CHODL: variants seen among roughly 807,000 people sequenced by gnomAD.
CHODL encodes the protein transmembrane protein MT75.
A neutral mutation model predicts 34.5 loss-of-function variants in CHODL; 29 were observed. The ratio of observed to expected loss-of-function variants is 0.84; its 90% confidence interval spans 0.63 to 1.15. The LOEUF (loss-of-function observed/expected upper bound fraction) is 1.15. Ranked by LOEUF, CHODL falls within the 50% of genes most tolerant of loss-of-function variation. The probability of loss-of-function intolerance (pLI) is 0.00; values close to 1 mark genes in which losing one functional copy is unlikely to be tolerated. For missense variants in CHODL, 332 were observed against 332.5 expected (o/e 1.00, Z 0.01); for synonymous variants, 125 against 116.1 (o/e 1.08, Z -0.49).
chr21:18,174,161 A>ATATATATATATATCTTGGTATATAT (rs2073276201), intron 2 of CHODL, among the ~76,000 whole-genome samples: 1 of 85,668 alleles, frequency 1.2e-5, no homozygotes, highest in Non-Finnish European at 3.1e-5. Context: ...ATATATATAT[A>ATATATATATATATCTTGGTATATAT]AAATCAAGTC....
chr21:18,169,750 T>C (rs1480590970), intron 2 of CHODL, among the ~76,000 whole-genome samples: 1 of 152,086 alleles, frequency 6.6e-6, no homozygotes, highest in Non-Finnish European at 1.5e-5. Context: ...TTTTTAGATA[T>C]CAGTTTCTCT....
chr21:18,233,401 C>T (rs1416515110), intron 2 of CHODL, among the ~76,000 whole-genome samples: 1 of 152,044 alleles, frequency 6.6e-6, no homozygotes, highest in South Asian at 2.1e-4. Context: ...CATCCTTTTG[C>T]TGCAATTTCC....
At chr21:18,039,708 T>C (rs2064352497) in intron 2 of CHODL, among the ~76,000 whole-genome samples, 2 of 151,702 alleles carry the variant, frequency 1.3e-5, no homozygotes, top group Non-Finnish European at 3.0e-5. Flanking sequence ...CTATTACTTA[T>C]TGGAAAAACC....
At chr21:17,940,801 A>G (rs1191618951) in intron 1 of CHODL, among the ~76,000 whole-genome samples, 1 of 152,084 alleles carries the variant, frequency 6.6e-6, no homozygotes, top group Admixed American at 6.6e-5. Context: ...AACTCATTGT[A>G]TTAATAGACG....
chr21:18,218,644 T>G (rs2146734934), intron 2 of CHODL, among the ~76,000 whole-genome samples: 1 of 152,220 alleles, frequency 6.6e-6, no homozygotes, highest in South Asian at 2.1e-4. Flanking sequence ...AGAGAATGGG[T>G]TTTTCTTTCC....
intron 2 of CHODL, among the ~76,000 whole-genome samples, chr21:18,151,502 C>T (rs2072968682): frequency 1.3e-5 from 2 of 152,188 alleles, no homozygotes; most frequent in Admixed American, 1.3e-4. Context: ...ATATTCTTTA[C>T]AGTAAACTGG....
Position 18,040,926 on chromosome 21 carries a change from G to C in CHODL, c.-45+12955G>C, listed in dbSNP as rs137978449. On this transcript the variant is annotated intron_variant, in intron 2 of 6. Coordinates refer to the CHODL transcript ENST00000400127. ...GGTAATAAATTGGCTTCTGAACCTA[G>C]TTACATGCTTTAGATCCATTTTAAG... is the stretch of plus-strand genomic sequence containing the variant. 4.4e-3 allele frequency among the ~76,000 whole-genome samples: 666 copies of C among 151,838 alleles called. 2 individuals are homozygous for C. The highest frequency in any genetic ancestry group is 0.015 in the African/African-American group (639 of 41,454).
At chr21:18,070,774 A>T (rs996035961) in intron 2 of CHODL, among the ~76,000 whole-genome samples, 2 of 151,774 alleles carry the variant, frequency 1.3e-5, no homozygotes, top group Admixed American at 1.3e-4. Context: ...GATGACCTCA[A>T]CTCCCCATAA....
chr21:18,107,803 A>G (rs2065291751), intron 2 of CHODL, among the ~76,000 whole-genome samples: 4 of 152,224 alleles, frequency 2.6e-5, no homozygotes. Context: ...AAGAAATTAA[A>G]GGAAGAATTT....
intron 1 of CHODL, among the ~76,000 whole-genome samples, chr21:17,946,001 C>A (rs1438377617): frequency 6.6e-6 from 1 of 152,008 alleles, no homozygotes; most frequent in Non-Finnish European, 1.5e-5. Context: ...TCCAGCAGAG[C>A]TGTTCTTTAG....
At chr21:18,151,693 A>T (rs982453064) in intron 2 of CHODL, among the ~76,000 whole-genome samples, 3 of 152,140 alleles carry the variant, frequency 2.0e-5, no homozygotes, top group African/African-American at 7.2e-5. Context: ...GTGGGATTTG[A>T]TGCTATTTCT....
At chr21:18,033,715 ACT>A (rs1217860954) in intron 2 of CHODL, among the ~76,000 whole-genome samples, 1 of 151,900 alleles carries the variant, frequency 6.6e-6, no homozygotes, top group South Asian at 2.1e-4. Context: ...GATCTGTATA[ACT>A]CTATGTTTCT....
At chr21:17,923,979 T>G (rs1177580474) in intron 1 of CHODL, among the ~76,000 whole-genome samples, 1 of 152,202 alleles carries the variant, frequency 6.6e-6, no homozygotes, top group African/African-American at 2.4e-5. Context: ...GACATGCTGT[T>G]CTTCCCCTCT....
intron 2 of CHODL, among the ~76,000 whole-genome samples, chr21:18,104,009 T>G (rs913189357): frequency 6.6e-6 from 1 of 152,212 alleles, no homozygotes; most frequent in Non-Finnish European, 1.5e-5. Context: ...AGACAATGTC[T>G]GTTAGGTTCC....
At chr21:18,189,803 T>C (rs1039770635) in intron 2 of CHODL, among the ~76,000 whole-genome samples, 6 of 151,832 alleles carry the variant, frequency 4.0e-5, no homozygotes, top group African/African-American at 1.2e-4. Context: ...CCCGGCTAAT[T>C]TTTGTATTTT....
At chr21:18,123,935 C>G (rs1393555464) in intron 2 of CHODL, among the ~76,000 whole-genome samples, 1 of 152,128 alleles carries the variant, frequency 6.6e-6, no homozygotes, top group Admixed American at 6.5e-5. Flanking sequence ...GTAATCCCAG[C>G]ATTTTGGGAG....
intron 2 of CHODL, among the ~76,000 whole-genome samples, chr21:18,109,674 A>C (rs958781633): frequency 2.0e-5 from 3 of 152,056 alleles, no homozygotes; most frequent in Non-Finnish European, 2.9e-5. Context: ...ATATATGTTC[A>C]GGGCTGCATT....
chr21:18,140,746 G>T (rs966074932), intron 2 of CHODL, among the ~76,000 whole-genome samples: 2 of 152,014 alleles, frequency 1.3e-5, no homozygotes, highest in African/African-American at 4.8e-5. Flanking sequence ...TGGCTGGTGG[G>T]TTTGTGTGTA....
At chr21:18,172,418 C>T (rs2073243205) in intron 2 of CHODL, among the ~76,000 whole-genome samples, 1 of 152,054 alleles carries the variant, frequency 6.6e-6, no homozygotes, top group South Asian at 2.1e-4. Flanking sequence ...CCTCTTTTGC[C>T]CCAATCAGTG....
Sources: allele counts gnomAD v4.1 joint callset (sites outside exome capture counted in the v4.1 genomes callset), GRCh38; gene constraint gnomAD v4.1.1; transcripts MANE v1.5; gene names NCBI Gene and HGNC (gene_info 2026-07-23, HGNC 2026-07-21).